Variants in MPRIP observed in about 807,000 individuals in gnomAD.
MPRIP encodes the protein myosin phosphatase Rho interacting protein.
In MPRIP, 59 loss-of-function variants were observed where a neutral mutation model predicts 234.9. The observed-to-expected ratio is 0.25, with a 90% CI of 0.20 to 0.31. MPRIP has a LOEUF of 0.31. MPRIP is among the 10% of genes least tolerant of loss of function. MPRIP has a pLI of 1.00. For synonymous variants in MPRIP, 1,144 were observed against 1,263.9 expected (o/e 0.91, Z 2.01); for missense variants, 2,436 against 3,071.0 (o/e 0.79, Z 4.89).
At chr17:17,126,905 A>G (rs1323997690) in intron 4 of MPRIP, 52 bp downstream of exon 4, 11 of 1,585,780 alleles carry the variant, frequency 6.9e-6, no homozygotes, top group South Asian at 1.1e-5. Context: ...CACAGGGCCA[A>G]CACCAGATGG....
chr17:17,140,378 G>T (rs1031859234), intron 7 of MPRIP, among the ~76,000 whole-genome samples: 1 of 152,150 alleles, frequency 6.6e-6, no homozygotes, highest in Non-Finnish European at 1.5e-5. Context: ...TTTTCACCTG[G>T]TGCTGGCCCC....
In MPRIP at chr17:17,173,946, G is replaced by A; in HGVS notation, c.6621G>A (p.Leu2207=). 1 of 1,613,632 alleles carries A rather than the reference G, an allele frequency of 6.2e-7. No homozygotes were observed. The highest frequency in any genetic ancestry group is 8.5e-7 in the Non-Finnish European group (1 of 1,179,986). The change falls in exon 19 of 24, where the codon CTG becomes CTA. Residue 2207 remains leucine (L), a synonymous_variant. Coordinates refer to ENST00000651222, the MANE Select transcript of MPRIP (RefSeq NM_001364716.4). ...AGCTGCAGTCGGTGCAGCGGGAACT[G>A]GAGGTCCTCTCGGAGCAGTACTCGC... is the stretch of plus-strand genomic sequence containing the variant. ...LEELQSVQRE[L]EVLSEQYSQK...
At chr17:17,087,708 G>A (rs1379245212) in intron 3 of MPRIP, among the ~76,000 whole-genome samples, 2 of 152,262 alleles carry the variant, frequency 1.3e-5, no homozygotes, top group East Asian at 3.8e-4. Flanking sequence ...CAGCACTGGT[G>A]TCTGCCTGCG....
chr17:17,132,518 G>C (rs1224104730), intron 5 of MPRIP, among the ~76,000 whole-genome samples: 1 of 152,204 alleles, frequency 6.6e-6, no homozygotes, highest in Non-Finnish European at 1.5e-5. Flanking sequence ...GCAGGGTGGG[G>C]ATGGGGGTCC....
At chr17:17,043,044 G>T in intron 1 of MPRIP, 73 bp downstream of exon 1, 1 of 1,445,236 alleles carries the variant, frequency 6.9e-7, no homozygotes, top group South Asian at 1.2e-5. Context: ...GCCGCCAAGG[G>T]CTGCAGGGAA....
At chr17:17,115,677 C>T (rs1350178059) in intron 3 of MPRIP, among the ~76,000 whole-genome samples, 1 of 152,182 alleles carries the variant, frequency 6.6e-6, no homozygotes, top group East Asian at 1.9e-4. Flanking sequence ...TAGCTGCCAC[C>T]GCCACTCCTC....
Position 17,185,172 on chromosome 17 carries a change from C to T in MPRIP, c.*278C>T. On this transcript the variant is annotated 3_prime_UTR_variant, in exon 24 of 24. Coordinates refer to ENST00000651222, the MANE Select transcript of MPRIP (RefSeq NM_001364716.4). ...GGGAGGGCATCTGTGTTAGTCCTTTCCTGGCTGTGACCCGCCACACTCACT... is the reference window on the plus strand; with the variant it reads ...GGGAGGGCATCTGTGTTAGTCCTTTTCTGGCTGTGACCCGCCACACTCACT... 2.8e-6 allele frequency: 1 copy of T among 352,004 alleles called. No individual in the cohort carries two copies. Among genetic ancestry groups the T allele is most frequent in the Non-Finnish European group, 5.6e-6 (1 of 180,084 alleles). The allele number at this position is 352,004 out of a possible 1,614,324, so 21.8% of individuals were successfully genotyped here.
chr17:17,142,528 A>T, intron 7 of MPRIP, 99 bp from the exon 8 acceptor site: 2 of 1,410,970 alleles, frequency 1.4e-6, no homozygotes, highest in South Asian at 2.6e-5. Context: ...GCCTGAGGGG[A>T]ATCAGGCCCG....
chr17:17,057,760 C>T (rs991266480), intron 1 of MPRIP: 3 of 713,202 alleles, frequency 4.2e-6, no homozygotes, highest in African/African-American at 3.5e-5. Context: ...CCACCCGCTG[C>T]CCCATCCTAC....
intron 1 of MPRIP, among the ~76,000 whole-genome samples, chr17:17,059,996 A>T (rs1181793357): frequency 1.3e-5 from 2 of 152,200 alleles, no homozygotes; most frequent in African/African-American, 4.8e-5. Context: ...TTATTGGCCC[A>T]GCTTTTCCTG....
At chr17:17,169,983 T>C (rs1019342168) in intron 16 of MPRIP, 2 of 151,838 alleles carry the variant, frequency 1.3e-5, no homozygotes, top group African/African-American at 4.8e-5. Context: ...GACTCTTACC[T>C]GCATAATATT....
At chr17:17,055,627 C>T (rs745745334) in intron 1 of MPRIP, among the ~76,000 whole-genome samples, 8 of 152,166 alleles carry the variant, frequency 5.3e-5, no homozygotes, top group South Asian at 2.1e-4. Context: ...AGCCTGAGAA[C>T]GAGCTCTTCT....
Position 17,192,327 on chromosome 17 carries a change from C to T in MPRIP, c.*7433C>T, listed in dbSNP as rs1392944574. 5 of 149,524 alleles carry T rather than the reference C, an allele frequency of 3.3e-5. No individual in the cohort carries two copies. Among genetic ancestry groups the T allele is most frequent in the Admixed American group, 6.8e-5 (1 of 14,692 alleles). The allele number at this position is 149,524 out of a possible 1,614,324, so 9.3% of individuals were successfully genotyped here. ...ACCGCCTCCCTAGGTTCCAGCACAG[C>T]GCTCGGGTCTAAGAAGTAGAGCCCC... On this transcript the variant is annotated 3_prime_UTR_variant, in exon 24 of 24. Transcript: ENST00000651222.
intron 23 of MPRIP, among the ~76,000 whole-genome samples, chr17:17,180,831 C>G (rs563294415): frequency 1.3e-5 from 2 of 152,352 alleles, no homozygotes; most frequent in Middle Eastern, 3.4e-3. Flanking sequence ...GCACTCTAAC[C>G]TCTTAACAGA....
At position 17,192,294 on chromosome 17, in the gene MPRIP, G is replaced by C. The variant is rs1292589021; in HGVS notation, c.*7400G>C. 1 of 152,058 alleles carries C rather than the reference G, an allele frequency of 6.6e-6. No individual in the cohort carries two copies. The highest frequency in any genetic ancestry group is 2.4e-5 in the African/African-American group (1 of 41,426). The allele number at this position is 152,058 out of a possible 1,614,324, so 9.4% of individuals were successfully genotyped here. On this transcript the variant is annotated 3_prime_UTR_variant, in exon 24 of 24. Coordinates refer to ENST00000651222, the MANE Select transcript of MPRIP (RefSeq NM_001364716.4). ...AAAGCTGTGTGCAGAAGAAAGGGCT[G>C]AATGAGTACCGCCTCCCTAGGTTCC...
At chr17:17,141,946 A>G (rs890965602) in intron 7 of MPRIP, 2 of 152,282 alleles carry the variant, frequency 1.3e-5, no homozygotes, top group Admixed American at 6.5e-5. Flanking sequence ...TTGGTTCACC[A>G]TTATTTGATT....
At chr17:17,057,573 G>A in intron 1 of MPRIP, 2 of 717,376 alleles carry the variant, frequency 2.8e-6, no homozygotes, top group Non-Finnish European at 5.2e-6. Flanking sequence ...CAGCTAGAGG[G>A]AAAAGGCCTT....
intron 1 of MPRIP, among the ~76,000 whole-genome samples, chr17:17,074,995 T>G (rs746821225): frequency 6.6e-6 from 1 of 152,176 alleles, no homozygotes; most frequent in Non-Finnish European, 1.5e-5. Context: ...TTCTTGGGTG[T>G]GTATACATAG....
intron 3 of MPRIP, among the ~76,000 whole-genome samples, chr17:17,080,861 C>T (rs527896419): frequency 6.6e-6 from 1 of 152,344 alleles, no homozygotes; most frequent in Admixed American, 6.5e-5. Flanking sequence ...GGTGCAGTGC[C>T]AGTCGTAGAA....
Sources: gnomAD v4.1 joint callset for allele counts (sites outside exome capture counted in the v4.1 genomes callset) on GRCh38, gnomAD v4.1.1 for gene constraint, MANE v1.5 for transcripts, NCBI Gene and HGNC (gene_info 2026-07-23, HGNC 2026-07-21) for gene names.